Variants in CHIC1 observed in about 807,000 individuals in gnomAD.
CHIC1 encodes the protein cysteine rich hydrophobic domain 1, also known as cysteine-rich hydrophobic domain-containing protein 1.
CHIC1 carries 7 observed loss-of-function variants against 18.5 expected under a neutral mutation model. The ratio of observed to expected loss-of-function variants is 0.38; its 90% confidence interval spans 0.22 to 0.71. The LOEUF (loss-of-function observed/expected upper bound fraction) is 0.71, where lower values mean the gene tolerates loss of function less well. CHIC1 is among the 30% of genes least tolerant of loss of function. The probability of loss-of-function intolerance (pLI) is 0.49; values close to 1 mark genes in which losing one functional copy is unlikely to be tolerated. For synonymous variants in CHIC1, 77 were observed against 73.5 expected (o/e 1.05, Z -0.25); for missense variants, 159 against 176.9 (o/e 0.90, Z 0.57).
At chrX:73,675,955 T>G (rs1363476934) in intron 3 of CHIC1, among the ~76,000 whole-genome samples, 2 of 110,736 alleles carry the variant, frequency 1.8e-5, no homozygotes, top group Non-Finnish European at 3.8e-5. Flanking sequence ...AGCATTTGCT[T>G]GTCTGTAAAG....
chrX:73,664,530 C>T (rs144532021), intron 3 of CHIC1, among the ~76,000 whole-genome samples: 1 of 111,008 alleles, frequency 9.0e-6, no homozygotes, highest in Non-Finnish European at 1.9e-5. Context: ...TTTTCATAAG[C>T]CAGTTGCAAC....
intron 3 of CHIC1, among the ~76,000 whole-genome samples, chrX:73,672,156 T>G (rs1358720689): frequency 8.9e-6 from 1 of 112,190 alleles, no homozygotes; most frequent in African/African-American, 3.2e-5. Flanking sequence ...ATTTTCTTAA[T>G]CCAGTCTATT....
chrX:73,573,299 A>G lies in CHIC1; in HGVS notation c.297-4108A>G, dbSNP rs1012395943. Among the ~76,000 whole-genome samples the G allele has an allele frequency of 6.3e-5, 7 of 110,893 alleles. No individual in the cohort carries two copies. In the East Asian group the frequency reaches 1.7e-3, roughly 27 times the overall value. On this transcript the variant is annotated intron_variant, in intron 1 of 5. Transcript: ENST00000373502. Reference sequence around the variant, plus strand: ...GTGGTCTATTCTGTTCCATTGGTCTATGTGTGTTTTTGTGCCAGTACCATG... The same window carrying G: ...GTGGTCTATTCTGTTCCATTGGTCTGTGTGTGTTTTTGTGCCAGTACCATG...
At chrX:73,599,158 C>T (rs1310251034) in intron 3 of CHIC1, among the ~76,000 whole-genome samples, 52 of 110,615 alleles carry the variant, frequency 4.7e-4, no homozygotes, top group Non-Finnish European at 7.6e-4. Flanking sequence ...TCATGTCCTT[C>T]GCCCACCTTT....
chrX:73,640,808 T>C (rs1029440588), intron 3 of CHIC1, among the ~76,000 whole-genome samples: 1 of 111,849 alleles, frequency 8.9e-6, no homozygotes, highest in Non-Finnish European at 1.9e-5. Context: ...CCTGGATTTG[T>C]TGATCTTTTG....
chrX:73,647,894 C>T (rs1015831483), intron 3 of CHIC1, among the ~76,000 whole-genome samples: 2 of 111,982 alleles, frequency 1.8e-5, no homozygotes, highest in Admixed American at 1.9e-4. Flanking sequence ...GATTCTGTTC[C>T]CTGTGCCACC....
At chrX:73,656,973 C>T (rs772193137) in intron 3 of CHIC1, among the ~76,000 whole-genome samples, 3 of 110,823 alleles carry the variant, frequency 2.7e-5, no homozygotes, top group Non-Finnish European at 5.7e-5. Flanking sequence ...TTTCTGATTT[C>T]TTTGAGCAGT....
intron 3 of CHIC1, among the ~76,000 whole-genome samples, chrX:73,677,990 TG>T (rs760899362): frequency 1.0e-5 from 1 of 99,663 alleles, no homozygotes; most frequent in African/African-American, 3.7e-5. Context: ...TTTTGGAGGT[TG>T]TTTTTTTTTT....
chrX:73,645,647 T>C (rs976032982), intron 3 of CHIC1, among the ~76,000 whole-genome samples: 2 of 111,953 alleles, frequency 1.8e-5, no homozygotes, highest in Non-Finnish European at 3.8e-5. Flanking sequence ...TCATTTGAAT[T>C]GCCCTGATGA....
At chrX:73,676,459 C>T (rs1368699242) in intron 3 of CHIC1, among the ~76,000 whole-genome samples, 2 of 111,425 alleles carry the variant, frequency 1.8e-5, no homozygotes, top group African/African-American at 3.3e-5. Flanking sequence ...CTGAACTTCT[C>T]TTCTCGCCTC....
At chrX:73,566,857 AAC>A (rs1219236236) in intron 1 of CHIC1, among the ~76,000 whole-genome samples, 1 of 111,860 alleles carries the variant, frequency 8.9e-6, no homozygotes, top group Admixed American at 9.5e-5. Flanking sequence ...AGGGTTCACA[AAC>A]ACACAGGCCT....
chrX:73,655,174 G>A (rs1046257249), intron 3 of CHIC1, among the ~76,000 whole-genome samples: 1 of 109,210 alleles, frequency 9.2e-6, no homozygotes, highest in East Asian at 2.9e-4. Context: ...CTCTTCCTGC[G>A]TTATTTGCTG....
At chrX:73,572,902 G>GT (rs2057478095) in intron 1 of CHIC1, among the ~76,000 whole-genome samples, 2 of 110,749 alleles carry the variant, frequency 1.8e-5, no homozygotes, top group Admixed American at 1.9e-4. Flanking sequence ...TCTGTATGTT[G>GT]TCTGTTGATT....
chrX:73,655,283 CGTGT>C (rs1002330921), intron 3 of CHIC1, among the ~76,000 whole-genome samples: 4 of 101,142 alleles, frequency 4.0e-5, no homozygotes, highest in East Asian at 3.1e-4. Flanking sequence ...TGTGTGTGTG[CGTGT>C]GTGTGTGTGT....
intron 1 of CHIC1, among the ~76,000 whole-genome samples, chrX:73,574,480 T>C (rs1001019746): frequency 6.3e-5 from 7 of 110,855 alleles, no homozygotes; most frequent in African/African-American, 2.3e-4. Flanking sequence ...TTCAATTTTT[T>C]GGAATCGTTT....
At chrX:73,676,363 G>A (rs1211994065) in intron 3 of CHIC1, among the ~76,000 whole-genome samples, 7 of 111,977 alleles carry the variant, frequency 6.3e-5, no homozygotes, top group South Asian at 7.4e-4. Context: ...TCACTTTCAG[G>A]TACACCAATC....
chrX:73,665,592 G>A (rs982807128), intron 3 of CHIC1, among the ~76,000 whole-genome samples: 7 of 111,060 alleles, frequency 6.3e-5, no homozygotes, highest in Non-Finnish European at 1.3e-4. Context: ...CCTGAACAAC[G>A]TCCTCAAACT....
At chrX:73,679,284 C>G in intron 3 of CHIC1, 42 bp from the exon 4 acceptor site, 1 of 898,556 alleles carries the variant, frequency 1.1e-6, no homozygotes, top group Non-Finnish European at 1.6e-6. Flanking sequence ...TTACAAAGCT[C>G]TTCAGGTCAT....
intron 3 of CHIC1, among the ~76,000 whole-genome samples, chrX:73,602,537 A>G (rs1163263280): frequency 9.2e-6 from 1 of 108,727 alleles, no homozygotes; most frequent in Non-Finnish European, 1.9e-5. Flanking sequence ...TCATTTGTCT[A>G]TTTTGGCTTT....
Sources: gnomAD v4.1 joint callset for allele counts (sites outside exome capture counted in the v4.1 genomes callset) on GRCh38, gnomAD v4.1.1 for gene constraint, MANE v1.5 for transcripts, NCBI Gene and HGNC (gene_info 2026-07-23, HGNC 2026-07-21) for gene names.